The following PCDH15 variants were observed in gnomAD, a reference collection of about 807,000 sequenced individuals.
The protein encoded by PCDH15 is protocadherin related 15, also known as protocadherin-15.
In PCDH15, 129 loss-of-function variants were observed where a neutral mutation model predicts 178.5. The ratio of observed to expected loss-of-function variants is 0.72; its 90% CI spans 0.63 to 0.84. The LOEUF is 0.84. Among genes scored for constraint, PCDH15 ranks in the 40% least tolerant of loss-of-function variants. The pLI is 0.00. For missense variants in PCDH15, 2,230 were observed against 2,099.9 expected, an observed-to-expected ratio of 1.06 and a Z score of -1.21; for synonymous variants, 800 against 732.0, an observed-to-expected ratio of 1.09 and a Z score of -1.50.
chr10:53,806,620 C>T lies in PCDH15; in HGVS notation c.5182G>A (p.Gly1728Ser), dbSNP rs763734709. The T allele has an allele frequency of 2.5e-6, 4 of 1,613,420 alleles. No homozygotes were observed. The South Asian group carries it at 4.4e-5, about 18-fold the overall frequency. The change falls in exon 38 of 38, where the codon GGC becomes AGC. Residue 1728 changes from glycine (G) to serine (S), a missense_variant. Gly to Ser is a moderately conservative substitution (Grantham distance 56). Transcript: ENST00000644397. ...GGTATATGGAGGTTGTTCCAGGGGCCCATCCAAAGCTCTTCATCATCAGAC... is the reference window on the plus strand; with the variant it reads ...GGTATATGGAGGTTGTTCCAGGGGCTCATCCAAAGCTCTTCATCATCAGAC... ...TQSDDEELWM[G>S]PWNNLHIPMT...
chr10:54,684,213 A>C (rs1280645371), intron 1 of PCDH15, among the ~76,000 whole-genome samples: 1 of 151,982 alleles, frequency 6.6e-6, no homozygotes, highest in East Asian at 1.9e-4. Context: ...TTACTGAAGT[A>C]TGATTTGTAA....
At chr10:53,998,416 C>T (rs1005064186) in intron 20 of PCDH15, among the ~76,000 whole-genome samples, 15 of 151,836 alleles carry the variant, frequency 9.9e-5, no homozygotes, top group Non-Finnish European at 1.8e-4. Flanking sequence ...TAAAATTATA[C>T]CTGAAGGTGT....
intron 2 of PCDH15, among the ~76,000 whole-genome samples, chr10:55,438,831 C>T (rs921721586): frequency 7.5e-4 from 113 of 151,464 alleles, no homozygotes; most frequent in African/African-American, 2.5e-3. Flanking sequence ...TTTGAATCTA[C>T]GTAATTCAAG....
intron 2 of PCDH15, among the ~76,000 whole-genome samples, chr10:55,365,780 GCC>G (rs1414180168): frequency 6.6e-6 from 1 of 152,042 alleles, no homozygotes; most frequent in African/African-American, 2.4e-5. Flanking sequence ...GGAACTGTAA[GCC>G]CAACAAACTC....
At chr10:55,435,777 T>C (rs941141838) in intron 2 of PCDH15, among the ~76,000 whole-genome samples, 2 of 152,144 alleles carry the variant, frequency 1.3e-5, no homozygotes, top group East Asian at 1.9e-4. Context: ...AAGCCATAGA[T>C]AGTACATTGG....
intron 15 of PCDH15, among the ~76,000 whole-genome samples, chr10:54,132,406 C>T (rs1368573434): frequency 6.6e-6 from 1 of 152,120 alleles, no homozygotes; most frequent in Non-Finnish European, 1.5e-5. Flanking sequence ...CAAGATTTGC[C>T]TATGGCCATA....
intron 2 of PCDH15, among the ~76,000 whole-genome samples, chr10:55,429,810 AT>A (rs1216236920): frequency 6.6e-6 from 1 of 152,160 alleles, no homozygotes; most frequent in African/African-American, 2.4e-5. Context: ...TCATGTAATT[AT>A]TTTTAATAAG....
chr10:53,959,050 G>C lies in PCDH15; in HGVS notation c.3122+682C>G, dbSNP rs143919774. Among the ~76,000 whole-genome samples, 36 of 135,884 alleles carry C rather than the reference G, an allele frequency of 2.6e-4. No individual in the cohort carries two copies. The East Asian group carries it at 6.4e-3, about 24-fold the overall frequency. The allele number at this position is 135,884 out of a possible 152,430, so 89.1% of individuals were successfully genotyped here. A position where few individuals can be genotyped will look rare whatever the true frequency, so the allele number is the denominator to read the frequency against. On this transcript the variant is annotated intron_variant, in intron 23 of 37. Transcript: ENST00000644397. ...TAAGCCACCCAATTTATGGTATTTT[G>C]TTATGGCTGCCTCAGTTGACTAAAA...
At chr10:54,631,735 T>C (rs2093705055) in intron 2 of PCDH15, among the ~76,000 whole-genome samples, 1 of 152,266 alleles carries the variant, frequency 6.6e-6, no homozygotes, top group African/African-American at 2.4e-5. Context: ...TCAGCATAGC[T>C]GGGGAGGCTT....
rs560278196 is a variant in PCDH15, at chr10:54,563,501, T to C, written c.92-35624A>G. On this transcript the variant is annotated intron_variant, in intron 2 of 37. Coordinates refer to ENST00000644397, the MANE Select transcript of PCDH15 (RefSeq NM_001384140.1). ...AGCCAAAAATACATAGACCATAAGA[T>C]ATTAGGCTTTCTGGAAGAGTCTAAG... Among the ~76,000 whole-genome samples, 3 of 152,298 alleles carry C rather than the reference T, an allele frequency of 2.0e-5. No individual in the cohort carries two copies. In the South Asian group the frequency reaches 6.2e-4, roughly 32 times the overall value.
Position 53,822,955 on chromosome 10 carries a change from T to C in PCDH15, c.4368-2725A>G, listed in dbSNP as rs144677994. On this transcript the variant is annotated intron_variant, in intron 32 of 37. Transcript: ENST00000644397. ...TGCTGCAGATCTATGATCTCTGGTC[T>C]ATTTGGAACTTTCCTCATCAGCCTC... 2.7e-5 allele frequency: 43 copies of C among 1,614,020 alleles called. 1 individual carries two copies. Among genetic ancestry groups the C allele is most frequent in the Non-Finnish European group, 3.4e-5 (40 of 1,180,008 alleles).
chr10:54,850,950 G>C (rs1195023036), intron 3 of PCDH15, among the ~76,000 whole-genome samples: 2 of 152,128 alleles, frequency 1.3e-5, no homozygotes, highest in Non-Finnish European at 2.9e-5. Flanking sequence ...GAGGGCTTTA[G>C]CATGGAAGAG....
chr10:54,090,163 A>G, intron 15 of PCDH15, 100 bp from the exon 16 acceptor site: 2 of 906,060 alleles, frequency 2.2e-6, no homozygotes, highest in South Asian at 1.4e-5. Context: ...CAGAATGTCC[A>G]TGACACTGTT....
At chr10:55,172,145 A>G (rs1164133823) in intron 1 of PCDH15, among the ~76,000 whole-genome samples, 2 of 151,992 alleles carry the variant, frequency 1.3e-5, no homozygotes, top group Non-Finnish European at 2.9e-5. Flanking sequence ...AAATAATATA[A>G]AATATAAATT....
At position 53,807,061 on chromosome 10, in the gene PCDH15, T is replaced by G. The variant is rs1437074351; in HGVS notation, c.4741A>C (p.Ser1581Arg). Residue 1581 changes from serine (S) to arginine (R), a missense_variant, in exon 38 of 38, where the codon AGT becomes CGT. Physicochemically the swap from Ser to Arg is moderately radical, Grantham distance 110. Transcript: ENST00000644397. Reference protein sequence around the residue: ...EYETSSTGEDSAPECQRNRLH... With the variant: ...EYETSSTGEDRAPECQRNRLH... ...CGGTTTCTCTGACATTCAGGAGCAC[T>G]GTCTTCTCCAGTTGAGCTGGTTTCA... 3 of 1,613,198 alleles carry G rather than the reference T, an allele frequency of 1.9e-6. No homozygotes were observed. The highest frequency in any genetic ancestry group is 2.7e-5 in the African/African-American group (2 of 74,572).
intron 3 of PCDH15, among the ~76,000 whole-genome samples, chr10:54,383,608 C>G (rs12766416): frequency 0.056 from 7,828 of 139,894 alleles, 256 homozygotes; most frequent in Admixed American, 0.11. Context: ...TACAAGCATA[C>G]CATGCCGTGT....
intron 2 of PCDH15, among the ~76,000 whole-genome samples, chr10:55,155,229 G>A (rs1838850230): frequency 6.6e-6 from 1 of 152,044 alleles, no homozygotes; most frequent in East Asian, 1.9e-4. Flanking sequence ...AGTTACTTCG[G>A]TGCAGTTACT....
chr10:53,845,329 A>G (rs923059243), intron 28 of PCDH15, among the ~76,000 whole-genome samples: 1 of 151,922 alleles, frequency 6.6e-6, no homozygotes, highest in African/African-American at 2.4e-5. Context: ...GTTCCTCAAA[A>G]AACTAAAAAT....
chr10:54,006,304 C>T (rs762411412), intron 20 of PCDH15, among the ~76,000 whole-genome samples: 5 of 152,054 alleles, frequency 3.3e-5, no homozygotes, highest in East Asian at 1.9e-4. Context: ...TCTGAAAATG[C>T]GGACTAGAAG....
Sources: gnomAD v4.1 joint callset for allele counts (sites outside exome capture counted in the v4.1 genomes callset) on GRCh38, gnomAD v4.1.1 for gene constraint, MANE v1.5 for transcripts, NCBI Gene and HGNC (gene_info 2026-07-23, HGNC 2026-07-21) for gene names.